TPCN1: variants seen among roughly 807,000 people sequenced by gnomAD.
TPCN1 encodes two pore segment channel 1, also known as two pore channel protein 1.
Under a neutral mutation model 108.8 loss-of-function variants are expected in TPCN1, and 52 were observed. That is an observed-to-expected ratio of 0.48 (90% CI 0.38 to 0.60). TPCN1 has a LOEUF of 0.60. Among genes scored for constraint, TPCN1 ranks in the 20% least tolerant of loss-of-function variants. The pLI is 0.00. For synonymous variants in TPCN1, 446 were observed against 433.7 expected (o/e 1.03, Z -0.35); for missense variants, 806 against 1,072.8 (o/e 0.75, Z 3.47).
At chr12:113,235,857 G>A (rs993123246) in intron 2 of TPCN1, among the ~76,000 whole-genome samples, 1 of 152,130 alleles carries the variant, frequency 6.6e-6, no homozygotes, top group Non-Finnish European at 1.5e-5. Context: ...TTTAGAGATC[G>A]GATTAAGCTT....
In TPCN1 at chr12:113,288,836, C is replaced by T. The variant is rs1339851466; in HGVS notation, c.1785C>T (p.Pro595=). 3 of 1,613,486 alleles carry T rather than the reference C, an allele frequency of 1.9e-6. No homozygotes were observed. Among genetic ancestry groups the T allele is most frequent in the Non-Finnish European group, 2.5e-6 (3 of 1,180,046 alleles). ...GMEFFCGIVF[P]NCCNTSTVAD... ...AGTTCTTCTGCGGGATCGTCTTCCCCAACTGCTGCAAGTGAGTAGGCCCCA... is the reference window on the plus strand; with the variant it reads ...AGTTCTTCTGCGGGATCGTCTTCCCTAACTGCTGCAAGTGAGTAGGCCCCA... The change falls in exon 21 of 28, where the codon CCC becomes CCT. Residue 595 remains proline, a synonymous_variant. Coordinates refer to ENST00000335509, the MANE Select transcript of TPCN1 (RefSeq NM_017901.6). The surrounding 1 kb of genome is among the most constrained non-coding windows in gnomAD (Gnocchi z 4.8).
chr12:113,270,038 A>G (rs1955427593), intron 7 of TPCN1, among the ~76,000 whole-genome samples, 193 bp downstream of exon 7: 1 of 152,112 alleles, frequency 6.6e-6, no homozygotes, highest in Admixed American at 6.5e-5. Flanking sequence ...TCTACTAAAA[A>G]TACAAAAATT....
chr12:113,273,508 G>A lies in TPCN1; in HGVS notation c.843-61G>A, dbSNP rs1280758483. The A allele has an allele frequency of 7.2e-7, 1 of 1,393,930 alleles. No individual in the cohort carries two copies. The highest frequency in any genetic ancestry group is 1.0e-6 in the Non-Finnish European group (1 of 979,838). The allele number at this position is 1,393,930 out of a possible 1,614,324, so 86.3% of individuals were successfully genotyped here. A position where few individuals can be genotyped will look rare whatever the true frequency, so the allele number is the denominator to read the frequency against. The stretch of plus-strand genomic sequence containing the variant: ...CAAGGAGCTGTCCTCTGCAAGGCAT[G>A]TGCTCTGAGAGGATGGAGACAGGCA... On this transcript the variant is annotated intron_variant, in intron 9 of 27. Coordinates refer to ENST00000335509, the MANE Select transcript of TPCN1 (RefSeq NM_017901.6). The surrounding 1 kb of genome is among the most constrained non-coding windows in gnomAD (Gnocchi z 4.0).
At position 113,273,609 on chromosome 12, in the gene TPCN1, T is replaced by G; in HGVS notation, c.883T>G (p.Trp295Gly). 6.2e-7 allele frequency: 1 copy of G among 1,614,212 alleles called. No homozygotes were observed. Among genetic ancestry groups the G allele is most frequent in the Non-Finnish European group, 8.5e-7 (1 of 1,180,024 alleles). Residue 295 changes from tryptophan (W) to glycine (G), a missense_variant, in exon 10 of 28, where the codon TGG becomes GGG. Trp to Gly is a radical substitution (Grantham distance 184). Transcript: ENST00000335509. The surrounding 1 kb of genome is among the most constrained non-coding windows in gnomAD (Gnocchi z 4.0). ...VMMPSYSRNP[W>G]SCVFFIVYLS... ...GATGCCCTCCTACTCCCGGAACCCC[T>G]GGTCCTGCGTCTTCTTCATCGTGTA...
In TPCN1 at chr12:113,221,577, C is replaced by T; in HGVS notation, c.-175C>T. 1 of 232,626 alleles carries T rather than the reference C, an allele frequency of 4.3e-6. No homozygotes were observed. The allele number at this position is 232,626 out of a possible 1,614,324, so 14.4% of individuals were successfully genotyped here. ...TTGGCGGCGGCGCCGGCGGGCTAGG[C>T]TGCGCGGTGCGGACCCCGGCGCGCG... On this transcript the variant is annotated 5_prime_UTR_variant, in exon 1 of 28. Coordinates refer to ENST00000335509, the MANE Select transcript of TPCN1 (RefSeq NM_017901.6).
Position 113,238,059 on chromosome 12 carries a change from TAGTC to T in TPCN1, c.112+11096_112+11099del, listed in dbSNP as rs1214416927. ...CATCTTGGGTTGATCAGGAAGTTCT[TAGTC>T]TGTTCAGATGGCAGCCTACCTCTCA... On this transcript the variant is annotated intron_variant, in intron 2 of 27. Coordinates refer to ENST00000335509, the MANE Select transcript of TPCN1 (RefSeq NM_017901.6). Among the ~76,000 whole-genome samples the T allele has an allele frequency of 2.0e-5, 3 of 152,310 alleles. No homozygotes were observed. The East Asian group carries it at 5.8e-4, about 29-fold the overall frequency.
chr12:113,233,360 C>T (rs979286317), intron 2 of TPCN1, among the ~76,000 whole-genome samples: 4 of 152,228 alleles, frequency 2.6e-5, no homozygotes, highest in Non-Finnish European at 5.9e-5. Context: ...GTGAACTTCT[C>T]AGCTTCCCCA....
chr12:113,266,111 C>G lies in TPCN1; in HGVS notation c.238-69C>G. 2 of 1,553,828 alleles carry G rather than the reference C, an allele frequency of 1.3e-6. No homozygotes were observed. The highest frequency in any genetic ancestry group is 1.4e-5 in the African/African-American group (1 of 73,776). On this transcript the variant is annotated intron_variant, in intron 3 of 27. Coordinates refer to ENST00000335509, the MANE Select transcript of TPCN1 (RefSeq NM_017901.6). This position sits in a 1 kb window ranked among gnomAD's most constrained non-coding sequence, Gnocchi z 4.2. ...CCTGGGGCCTTCCTTTCCTCCCCTG[C>G]CCGCGGCTCCTCTTTGGCGTTGGAT...
At position 113,272,064 on chromosome 12, in the gene TPCN1, C is replaced by T. The variant is rs1402617421; in HGVS notation, c.749-594C>T. Among the ~76,000 whole-genome samples the T allele has an allele frequency of 6.6e-6, 1 of 152,216 alleles. No individual in the cohort carries two copies. Among genetic ancestry groups the T allele is most frequent in the Non-Finnish European group, 1.5e-5 (1 of 68,042 alleles). ...TGTCCTGAGTCATGGCTCTCACTTCCTCCCACCCACCACCCCACTCTTGGT... is the reference window on the plus strand; with the variant it reads ...TGTCCTGAGTCATGGCTCTCACTTCTTCCCACCCACCACCCCACTCTTGGT... On this transcript the variant is annotated intron_variant, in intron 7 of 27. Coordinates refer to ENST00000335509, the MANE Select transcript of TPCN1 (RefSeq NM_017901.6). The surrounding 1 kb of genome is among the most constrained non-coding windows in gnomAD (Gnocchi z 4.1).
chr12:113,290,999 G>A lies in TPCN1; in HGVS notation c.1959+1G>A. On this transcript the variant is annotated splice_donor_variant, in intron 23 of 27. Transcript: ENST00000335509. LOFTEE classifies it high-confidence loss of function. ...TGTCAACAACTGGTACATCATCATG[G>A]TAAGAGCTCGGGCAGCTCTGGGGGT... 1.9e-6 allele frequency: 3 copies of A among 1,613,634 alleles called. No homozygotes were observed. Among genetic ancestry groups the A allele is most frequent in the East Asian group, 2.2e-5 (1 of 44,884 alleles).
Position 113,232,234 on chromosome 12 carries a change from C to T in TPCN1, c.112+5270C>T, listed in dbSNP as rs544007726. On this transcript the variant is annotated intron_variant, in intron 2 of 27. Coordinates refer to ENST00000335509, the MANE Select transcript of TPCN1 (RefSeq NM_017901.6). This position sits in a 1 kb window ranked among gnomAD's most constrained non-coding sequence, Gnocchi z 5.6. ...GAGCTGACCTCTCCCTCCTTCACGC[C>T]GATGCCTGGCACATCATCTGGAGTT... is the stretch of plus-strand genomic sequence containing the variant. Among the ~76,000 whole-genome samples, 1 of 152,350 alleles carries T rather than the reference C, an allele frequency of 6.6e-6. No individual in the cohort carries two copies. Among genetic ancestry groups the T allele is most frequent in the Admixed American group, 6.5e-5 (1 of 15,308 alleles).
At chr12:113,249,311 T>G (rs542599931) in intron 2 of TPCN1, among the ~76,000 whole-genome samples, 1 of 152,208 alleles carries the variant, frequency 6.6e-6, no homozygotes, top group Non-Finnish European at 1.5e-5. Flanking sequence ...GAAGAGACAG[T>G]GGCCGGCGTA....
chr12:113,273,552 A>G lies in TPCN1; in HGVS notation c.843-17A>G. ...ACAGGCAGATACAGCACGCCGGGTC[A>G]CCCTCTGCAAATACAGTTTCCCAGA... On this transcript the variant is annotated splice_polypyrimidine_tract_variant and intron_variant, in intron 9 of 27. Transcript: ENST00000335509. This position sits in a 1 kb window ranked among gnomAD's most constrained non-coding sequence, Gnocchi z 4.0. 6.2e-7 allele frequency: 1 copy of G among 1,601,422 alleles called. No homozygotes were observed. Among genetic ancestry groups the G allele is most frequent in the Non-Finnish European group, 8.6e-7 (1 of 1,168,508 alleles).
chr12:113,245,264 G>A (rs903511944), intron 2 of TPCN1, among the ~76,000 whole-genome samples: 63 of 151,374 alleles, frequency 4.2e-4, no homozygotes, highest in Non-Finnish European at 3.4e-4. Flanking sequence ...GTGAGACCCT[G>A]TCTCCAAAAA....
In TPCN1 at chr12:113,273,411, A is replaced by G; in HGVS notation, c.842+121A>G. On this transcript the variant is annotated intron_variant, in intron 9 of 27. Coordinates refer to ENST00000335509, the MANE Select transcript of TPCN1 (RefSeq NM_017901.6). This position sits in a 1 kb window ranked among gnomAD's most constrained non-coding sequence, Gnocchi z 4.0. ...AGGTGCTGTGGTGCTATTGGGAGAC[A>G]GGGTTGGCCCACTGAGCACGGAGCC... 3.8e-6 allele frequency: 5 copies of G among 1,326,248 alleles called. No individual in the cohort carries two copies. The highest frequency in any genetic ancestry group is 5.4e-6 in the Non-Finnish European group (5 of 922,128). The allele number at this position is 1,326,248 out of a possible 1,614,324, so 82.2% of individuals were successfully genotyped here.
intron 13 of TPCN1, 152 bp from the exon 14 acceptor site, chr12:113,278,620 C>T: frequency 1.6e-6 from 1 of 640,944 alleles, no homozygotes; most frequent in East Asian, 2.7e-5. Flanking sequence ...TCGGTACACA[C>T]TGGCTGGCTG....
chr12:113,265,645 C>T (rs1212984267), intron 3 of TPCN1, among the ~76,000 whole-genome samples: 1 of 151,586 alleles, frequency 6.6e-6, no homozygotes, highest in Non-Finnish European at 1.5e-5. Context: ...CTCCCGGGCT[C>T]AAGTGATTCT....
chr12:113,267,681 G>A (rs914031150), intron 4 of TPCN1, among the ~76,000 whole-genome samples, 162 bp from the exon 5 acceptor site: 3 of 152,166 alleles, frequency 2.0e-5, no homozygotes, highest in Non-Finnish European at 4.4e-5. Flanking sequence ...AAAGCTCCGT[G>A]ACCAAGGCTC....
rs778273128 is a variant in TPCN1, at chr12:113,287,017, C to T, written c.1557C>T (p.Phe519=). ...LFDFSVTVFA[F]LGLLALALNM... is the part of the protein sequence containing the mutation. ...ACTTCTCCGTGACAGTGTTCGCCTT[C>T]CTGGGACTGCTGGCGCTGGCCCTCA... The change falls in exon 19 of 28, where the codon TTC becomes TTT. Residue 519 remains phenylalanine, a synonymous_variant. Coordinates refer to ENST00000335509, the MANE Select transcript of TPCN1 (RefSeq NM_017901.6). The T allele has an allele frequency of 1.2e-6, 2 of 1,613,928 alleles. No homozygotes were observed. Among genetic ancestry groups the T allele is most frequent in the Non-Finnish European group, 1.7e-6 (2 of 1,179,988 alleles).
Sources: gnomAD v4.1 joint callset for allele counts (sites outside exome capture counted in the v4.1 genomes callset) on GRCh38, gnomAD v4.1.1 for gene constraint, Gnocchi (gnomAD v3.1) non-coding constraint, MANE v1.5 for transcripts, NCBI Gene and HGNC (gene_info 2026-07-23, HGNC 2026-07-21) for gene names.